The following TENM2 variants were observed in gnomAD, a reference collection of about 807,000 sequenced individuals.
TENM2 encodes the protein teneurin-2.
In TENM2, 52 loss-of-function variants were observed where a neutral mutation model predicts 245.2. The observed-to-expected ratio is 0.21, with a 90% CI of 0.17 to 0.27. The LOEUF is 0.27. Ranked by LOEUF, TENM2 falls within the 10% of genes least tolerant of loss-of-function variation. TENM2 has a pLI of 1.00. For missense variants in TENM2, 3,046 were observed against 3,666.8 expected (o/e 0.83, Z 4.37); for synonymous variants, 1,363 against 1,438.9 (o/e 0.95, Z 1.19).
intron 2 of TENM2, among the ~76,000 whole-genome samples, chr5:167,415,571 A>T (rs370325150): frequency 1.2e-3 from 186 of 152,244 alleles, no homozygotes; most frequent in African/African-American, 4.2e-3. Flanking sequence ...TCTTACTCTT[A>T]TGAAAACTTC....
At chr5:167,168,102 C>T in the TENM2 span, 1 of 152,198 alleles carries the variant, frequency 6.6e-6, no homozygotes, top group African/African-American at 2.4e-5. Flanking sequence ...AACATGCTGA[C>T]AGTAGATGCC....
the TENM2 span, among the ~76,000 whole-genome samples, chr5:167,224,035 A>T: frequency 6.6e-6 from 1 of 151,750 alleles, no homozygotes; most frequent in Non-Finnish European, 1.5e-5. Context: ...TTTTAATGGG[A>T]TTATTTGTTT....
At chr5:167,066,134 C>A in the TENM2 span, among the ~76,000 whole-genome samples, 1 of 152,062 alleles carries the variant, frequency 6.6e-6, no homozygotes, top group Non-Finnish European at 1.5e-5. Flanking sequence ...ATATGATGAA[C>A]AACTGGATGA....
At chr5:167,134,777 C>T in the TENM2 span, among the ~76,000 whole-genome samples, 2 of 152,162 alleles carry the variant, frequency 1.3e-5, no homozygotes, top group African/African-American at 4.8e-5. Context: ...CATATTTTCC[C>T]TTCTGGTTCC....
At position 167,507,971 on chromosome 5, in the gene TENM2, G is replaced by A. The variant is rs180941360; in HGVS notation, c.502+132498G>A. On this transcript the variant is annotated intron_variant, in intron 2 of 28. Coordinates refer to ENST00000518659, the Ensembl canonical transcript of TENM2. ...AAATAATAGTTCACAAATGATTAGC[G>A]GAATGAGAAATTACTGCCCACAGAA... 3.4e-3 allele frequency among the ~76,000 whole-genome samples: 518 copies of A among 151,902 alleles called. 5 individuals are homozygous for A. Among genetic ancestry groups the A allele is most frequent in the African/African-American group, 0.012 (483 of 41,444 alleles).
chr5:167,455,204 A>T (rs1256655821), intron 2 of TENM2, among the ~76,000 whole-genome samples: 4 of 152,202 alleles, frequency 2.6e-5, no homozygotes. Flanking sequence ...ATTCCTTCTT[A>T]TATGGAGTTT....
At chr5:167,056,871 T>C in the TENM2 span, among the ~76,000 whole-genome samples, 6 of 151,692 alleles carry the variant, frequency 4.0e-5, no homozygotes, top group Non-Finnish European at 7.4e-5. Context: ...GTTTCATTTC[T>C]GGTATTAATT....
exon 9 of TENM2, chr5:168,098,048 T>C (rs1482234899): frequency 1.2e-6 from 2 of 1,613,534 alleles, no homozygotes; most frequent in Non-Finnish European, 1.7e-6. Flanking sequence ...ACTGTCCACG[T>C]AACTGCCATG....
At chr5:167,275,950 A>T in the TENM2 span, among the ~76,000 whole-genome samples, 1 of 152,004 alleles carries the variant, frequency 6.6e-6, no homozygotes, top group Non-Finnish European at 1.5e-5. Context: ...CTCAGGGGAG[A>T]TACTGTGACT....
intron 13 of TENM2, among the ~76,000 whole-genome samples, chr5:168,176,414 G>A (rs1759365454): frequency 6.6e-6 from 1 of 152,082 alleles, no homozygotes; most frequent in Non-Finnish European, 1.5e-5. Context: ...TTTCACCCTA[G>A]GCTTCTGCAC....
intron 10 of TENM2, among the ~76,000 whole-genome samples, chr5:168,122,258 G>A (rs1348372734): frequency 2.6e-5 from 4 of 152,178 alleles, no homozygotes; most frequent in South Asian, 2.1e-4. Context: ...CTCACTGCAA[G>A]CTCCGCCTCC....
At chr5:168,016,402 A>G (rs563865006) in intron 5 of TENM2, among the ~76,000 whole-genome samples, 32 of 152,372 alleles carry the variant, frequency 2.1e-4, no homozygotes, top group Admixed American at 3.9e-4. Flanking sequence ...TGAAAGCAGC[A>G]GCTTCATAGT....
At chr5:167,088,884 G>A in the TENM2 span, among the ~76,000 whole-genome samples, 11 of 152,130 alleles carry the variant, frequency 7.2e-5, no homozygotes, top group Admixed American at 4.6e-4. Context: ...TCAAGCAGTT[G>A]ACTGAAGTCC....
At chr5:167,064,477 T>C in the TENM2 span, among the ~76,000 whole-genome samples, 2 of 152,206 alleles carry the variant, frequency 1.3e-5, no homozygotes, top group Admixed American at 1.3e-4. Flanking sequence ...TTAAATCACA[T>C]ATCTTTACTT....
At chr5:167,164,656 TA>T in the TENM2 span, among the ~76,000 whole-genome samples, 1 of 152,174 alleles carries the variant, frequency 6.6e-6, no homozygotes, top group Non-Finnish European at 1.5e-5. Context: ...AAATGAATAT[TA>T]GCTTCATGTC....
chr5:167,410,402 T>A (rs1342500126), intron 2 of TENM2, among the ~76,000 whole-genome samples: 2 of 152,044 alleles, frequency 1.3e-5, no homozygotes, highest in Non-Finnish European at 2.9e-5. Context: ...GATGAATTGA[T>A]TTATTCCATT....
intron 5 of TENM2, among the ~76,000 whole-genome samples, chr5:168,010,041 C>T (rs1244435005): frequency 6.6e-6 from 1 of 152,240 alleles, no homozygotes; most frequent in Non-Finnish European, 1.5e-5. Context: ...GCAGCTCCCT[C>T]CTGCTTCCCT....
the TENM2 span, among the ~76,000 whole-genome samples, chr5:167,226,999 G>A: frequency 6.6e-6 from 1 of 151,910 alleles, no homozygotes; most frequent in Admixed American, 6.6e-5. Flanking sequence ...ATAACTTAAA[G>A]TCTGTTTTAA....
chr5:167,962,799 C>T (rs781234492), intron 4 of TENM2, among the ~76,000 whole-genome samples: 7 of 152,206 alleles, frequency 4.6e-5, no homozygotes, highest in Non-Finnish European at 7.4e-5. Flanking sequence ...TGAGGGTAAC[C>T]GCCCCCATGA....
Sources: allele counts gnomAD v4.1 joint callset (sites outside exome capture counted in the v4.1 genomes callset), GRCh38; gene constraint gnomAD v4.1.1; transcripts MANE v1.5; gene names NCBI Gene and HGNC (gene_info 2026-07-23, HGNC 2026-07-21).